Variants in SIPA1L3 observed in about 807,000 individuals in gnomAD.
SIPA1L3 encodes the protein signal-induced proliferation-associated 1-like protein 3.
In SIPA1L3, 59 loss-of-function variants were observed where a neutral mutation model predicts 150.1. The ratio of observed to expected loss-of-function variants is 0.39; its 90% CI spans 0.32 to 0.49. SIPA1L3 has a LOEUF of 0.49. Ranked by LOEUF, SIPA1L3 falls within the 20% of genes least tolerant of loss-of-function variation. SIPA1L3 has a pLI of 0.86. For missense variants in SIPA1L3, 2,211 were observed against 2,489.5 expected, an observed-to-expected ratio of 0.89 and a Z score of 2.38; for synonymous variants, 1,070 against 1,077.6, an observed-to-expected ratio of 0.99 and a Z score of 0.14.
chr19:37,936,888 C>A (rs11083442), intron 1 of SIPA1L3, among the ~76,000 whole-genome samples: 22,810 of 152,228 alleles, frequency 0.15, 1,932 homozygotes, highest in Middle Eastern at 0.28. Flanking sequence ...TCCACTCCTG[C>A]TTCCTGCCTC....
At chr19:38,130,807 G>A (rs1445370088) in intron 10 of SIPA1L3, 35 bp downstream of exon 10, 43 of 1,566,774 alleles carry the variant, frequency 2.7e-5, no homozygotes, top group Non-Finnish European at 3.3e-5. Context: ...GGTGGTGGGT[G>A]GCAGCTCCCA....
intron 2 of SIPA1L3, among the ~76,000 whole-genome samples, chr19:38,058,477 G>A (rs1214529167): frequency 1.3e-5 from 2 of 152,088 alleles, no homozygotes; most frequent in Admixed American, 6.6e-5. Flanking sequence ...CACATATGGA[G>A]AGTTGTCCTG....
At chr19:38,107,650 T>C (rs780087797) in intron 7 of SIPA1L3, among the ~76,000 whole-genome samples, 4 of 152,172 alleles carry the variant, frequency 2.6e-5, no homozygotes, top group Non-Finnish European at 5.9e-5. Context: ...AATATTGATT[T>C]CCTAAGGTTC....
At chr19:38,094,405 T>C (rs944219424) in intron 4 of SIPA1L3, among the ~76,000 whole-genome samples, 1 of 152,136 alleles carries the variant, frequency 6.6e-6, no homozygotes, top group Admixed American at 6.6e-5. Flanking sequence ...TGCACCACCA[T>C]GCCTGGCTAA....
intron 2 of SIPA1L3, among the ~76,000 whole-genome samples, chr19:38,056,004 C>T (rs1003144941): frequency 2.6e-5 from 4 of 152,224 alleles, no homozygotes; most frequent in Non-Finnish European, 5.9e-5. Context: ...CTCATTTATT[C>T]ACCTCTCTCC....
chr19:38,127,324 G>A (rs1454985427), intron 9 of SIPA1L3, among the ~76,000 whole-genome samples: 1 of 152,004 alleles, frequency 6.6e-6, no homozygotes, highest in Non-Finnish European at 1.5e-5. Flanking sequence ...CATTTCATCT[G>A]TAAATTTTTC....
intron 1 of SIPA1L3, among the ~76,000 whole-genome samples, chr19:37,952,179 C>T (rs2046770413): frequency 6.6e-6 from 1 of 152,012 alleles, no homozygotes; most frequent in African/African-American, 2.4e-5. Context: ...CATCTTTGCT[C>T]AGAGGGTCGA....
chr19:37,985,644 G>A (rs1967331161), intron 1 of SIPA1L3, among the ~76,000 whole-genome samples: 1 of 152,234 alleles, frequency 6.6e-6, no homozygotes, highest in Non-Finnish European at 1.5e-5. Context: ...AGCCAGTCAT[G>A]CACACAGGTG....
rs2046807244 is a variant in SIPA1L3, at chr19:37,956,013, ATGT to A, written c.-379+48659_-379+48661del. Among the ~76,000 whole-genome samples the A allele has an allele frequency of 2.6e-5, 4 of 152,308 alleles. No individual in the cohort carries two copies. In the South Asian group the frequency reaches 8.3e-4, roughly 32 times the overall value. On this transcript the variant is annotated intron_variant, in intron 1 of 21. Transcript: ENST00000222345. The stretch of plus-strand genomic sequence containing the variant: ...CCATTTTCATAGATAGGGTCTCATG[ATGT>A]TGTCCAGGCTGGAGTACAATGGCTA...
chr19:38,162,106 A>G (rs1277619018), intron 13 of SIPA1L3, 147 bp from the exon 14 acceptor site: 4 of 694,290 alleles, frequency 5.8e-6, no homozygotes, highest in East Asian at 2.5e-5. Flanking sequence ...GCTGAGATGT[A>G]TTCTCTGTTA....
chr19:38,095,673 G>A (rs568277872), intron 4 of SIPA1L3, among the ~76,000 whole-genome samples: 1 of 152,198 alleles, frequency 6.6e-6, no homozygotes, highest in East Asian at 1.9e-4. Flanking sequence ...GGAGGAGGCT[G>A]CTGTCCAGGT....
At chr19:38,163,093 T>C (rs1245753255) in intron 14 of SIPA1L3, among the ~76,000 whole-genome samples, 1 of 152,156 alleles carries the variant, frequency 6.6e-6, no homozygotes, top group African/African-American at 2.4e-5. Flanking sequence ...ACTCCAGGCA[T>C]TGGGACCATG....
At chr19:38,107,967 ACT>A (rs1282556911) in intron 7 of SIPA1L3, among the ~76,000 whole-genome samples, 2 of 151,280 alleles carry the variant, frequency 1.3e-5, no homozygotes, top group African/African-American at 2.4e-5. Context: ...ACAGAGCAAG[ACT>A]CTGTCTCAAA....
At chr19:38,175,133 T>G (rs770977064) in intron 15 of SIPA1L3, among the ~76,000 whole-genome samples, 2 of 151,828 alleles carry the variant, frequency 1.3e-5, no homozygotes, top group Non-Finnish European at 2.9e-5. Context: ...GGCCTCAGTT[T>G]CCCCCACCTG....
chr19:38,074,309 T>C (rs1600010155), intron 2 of SIPA1L3, among the ~76,000 whole-genome samples: 1 of 152,194 alleles, frequency 6.6e-6, no homozygotes, highest in Non-Finnish European at 1.5e-5. Context: ...GGATTGAGGG[T>C]TTCTGACTGA....
chr19:37,947,132 T>C (rs750876845), intron 1 of SIPA1L3, among the ~76,000 whole-genome samples: 1 of 152,000 alleles, frequency 6.6e-6, no homozygotes, highest in Non-Finnish European at 1.5e-5. Context: ...AGTTCAAGAT[T>C]ATAGTGAGCT....
chr19:38,048,757 A>G (rs1969117580), intron 2 of SIPA1L3, among the ~76,000 whole-genome samples: 1 of 152,182 alleles, frequency 6.6e-6, no homozygotes, highest in Admixed American at 6.5e-5. Flanking sequence ...CTTGCGTCCA[A>G]TTTCTGCCTC....
intron 15 of SIPA1L3, among the ~76,000 whole-genome samples, chr19:38,181,126 T>G (rs1430335909): frequency 3.3e-5 from 5 of 152,162 alleles, no homozygotes; most frequent in Non-Finnish European, 7.3e-5. Context: ...TGCGACAAAT[T>G]TCCTCTGTTC....
At chr19:38,088,873 CTTA>C in intron 4 of SIPA1L3, 22 bp downstream of exon 4, 1 of 1,610,226 alleles carries the variant, frequency 6.2e-7, no homozygotes, top group South Asian at 1.1e-5. Flanking sequence ...CACTCTCGTT[CTTA>C]TTAAAGAAAT....
Sources: allele counts gnomAD v4.1 joint callset (sites outside exome capture counted in the v4.1 genomes callset), GRCh38; gene constraint gnomAD v4.1.1; transcripts MANE v1.5; gene names NCBI Gene and HGNC (gene_info 2026-07-23, HGNC 2026-07-21).